The following MRPL36 variants were observed in gnomAD, a reference collection of about 807,000 sequenced individuals.
The protein encoded by MRPL36 is large ribosomal subunit protein bL36m.
A neutral mutation model predicts 2.8 loss-of-function variants in MRPL36; 1 was observed. The observed-to-expected ratio is 0.36, with a 90% CI of 0.13 to 1.69. The LOEUF (loss-of-function observed/expected upper bound fraction) is 1.69. Among genes scored for constraint, MRPL36 ranks in the 40% most tolerant of loss-of-function variants. The probability of loss-of-function intolerance (pLI) is 0.35; values close to 1 mark genes in which losing one functional copy is unlikely to be tolerated. For synonymous variants in MRPL36, 68 were observed against 54.8 expected (o/e 1.24, Z -1.06); for missense variants, 148 against 132.7 (o/e 1.12, Z -0.57).
rs770920012 is a variant in MRPL36 at position 1,798,896 on chromosome 5, G to C, written c.40C>G (p.Leu14Val). The C allele has an allele frequency of 1.0e-5, 16 of 1,605,822 alleles. No homozygotes were observed. The Admixed American group carries it at 2.3e-4, about 23-fold the overall frequency. ...LFIRKMVNPL[L>V]YLSRHTVKPR... ...TTCACCGTGTGACGACTGAGATAGA[G>C]CAGAGGGTTCACCATTTTCCTTATA... The change falls in exon 2 of 2, where the codon CTC (leucine) becomes GTC (valine). Residue 14 changes from leucine (L) to valine (V), a missense_variant. Physicochemically the swap from Leu to Val is conservative, Grantham distance 32 (BLOSUM62 1). Transcript: ENST00000505059.
chr5:1,801,252 G>C, upstream of MRPL36: 1 of 1,025,504 alleles, frequency 9.8e-7, no homozygotes, highest in Non-Finnish European at 1.4e-6. Context: ...GATGAAAACG[G>C]GTGACCACCT....
intron 1 of MRPL36, 166 bp from the exon 2 acceptor site, chr5:1,799,113 A>C (rs1028339496): frequency 3.4e-6 from 2 of 580,030 alleles, no homozygotes; most frequent in Non-Finnish European, 6.1e-6. Flanking sequence ...ACACTGCCTT[A>C]ATCAGCCAAG....
At position 1,798,950 on chromosome 5, in the gene MRPL36, ATGGG is replaced by A. The variant is rs1363307703; in HGVS notation, c.-12-7_-12-4del. ...AGATTTGCCATGTTGTGGTGAATCT[ATGGG>A]AGAGAGAAAAAAAGGAGTTATAGCT... On this transcript the variant is annotated splice_polypyrimidine_tract_variant and splice_region_variant and intron_variant, in intron 1 of 1. Transcript: ENST00000505059. The A allele has an allele frequency of 1.9e-6, 3 of 1,557,600 alleles. No individual in the cohort carries two copies. Among genetic ancestry groups the A allele is most frequent in the African/African-American group, 1.4e-5 (1 of 73,074 alleles).
chr5:1,800,368 C>T (rs1211271407), upstream of MRPL36, among the ~76,000 whole-genome samples: 2 of 152,326 alleles, frequency 1.3e-5, no homozygotes, highest in Non-Finnish European at 1.5e-5. Context: ...CCCGTAACTC[C>T]ATTCGCCTTC....
In MRPL36 at chr5:1,798,488, G is replaced by C. The variant is rs758939560; in HGVS notation, c.*136C>G. On this transcript the variant is annotated 3_prime_UTR_variant, in exon 2 of 2. Coordinates refer to ENST00000505059, the MANE Select transcript of MRPL36 (RefSeq NM_032479.4). Reference sequence around the variant, plus strand: ...TAGTTACTCATTTACACTGAAACGTGATGGGTAACTTTTAGGGCGTTTGCT... The same window carrying C: ...TAGTTACTCATTTACACTGAAACGTCATGGGTAACTTTTAGGGCGTTTGCT... The C allele has an allele frequency of 3.0e-5, 23 of 758,322 alleles. No homozygotes were observed. Among genetic ancestry groups the C allele is most frequent in the Non-Finnish European group, 4.5e-5 (21 of 466,950 alleles). 47.0% of individuals were successfully genotyped at this position (758,322 alleles called of 1,614,324 possible).
upstream of MRPL36, chr5:1,801,298 GACCCGCGCT>G: frequency 7.1e-7 from 1 of 1,405,626 alleles, no homozygotes; most frequent in East Asian, 2.5e-5. Flanking sequence ...CCTCTGCCCC[GACCCGCGCT>G]CCCCGCCCCC....
Position 1,798,434 on chromosome 5 carries a change from T to C in MRPL36, c.*190A>G. Reference sequence around the variant, plus strand: ...GAAAATGTTTTTTAGTTGGAACGTTTTGGAAATAAGATAACGCAATGTCTT... The same window carrying C: ...GAAAATGTTTTTTAGTTGGAACGTTCTGGAAATAAGATAACGCAATGTCTT... On this transcript the variant is annotated 3_prime_UTR_variant, in exon 2 of 2. Coordinates refer to ENST00000505059, the MANE Select transcript of MRPL36 (RefSeq NM_032479.4). 1.8e-6 allele frequency: 1 copy of C among 569,684 alleles called. No homozygotes were observed. Among genetic ancestry groups the C allele is most frequent in the East Asian group, 3.0e-5 (1 of 33,722 alleles). The allele number at this position is 569,684 out of a possible 1,614,324, so 35.3% of individuals were successfully genotyped here.
chr5:1,800,057 T>C (rs1258382671), upstream of MRPL36, among the ~76,000 whole-genome samples: 2 of 151,850 alleles, frequency 1.3e-5, no homozygotes, highest in East Asian at 3.9e-4. Context: ...GGAACGAAAA[T>C]GGATATCCGC....
Position 1,798,658 on chromosome 5 carries a change from T to C in MRPL36, c.278A>G (p.Lys93Arg), listed in dbSNP as rs750200839. The C allele has an allele frequency of 1.2e-6, 2 of 1,613,310 alleles. No homozygotes were observed. The highest frequency in any genetic ancestry group is 1.7e-6 in the Non-Finnish European group (2 of 1,179,348). Residue 93 changes from lysine (K) to arginine (R), a missense_variant, in exon 2 of 2, where the codon AAA becomes AGA. Lys to Arg is a conservative substitution (Grantham distance 26). Transcript: ENST00000505059. ...KRRGRWYVYC[K>R]THPRHKQRQM is the part of the protein sequence containing the mutation. ...TCTCTGCTTGTGCCTCGGATGGGTT[T>C]TACAGTAGACGTACCACCGACCCCG...
chr5:1,798,919 AT>A lies in MRPL36; in HGVS notation c.16del (p.Ile6Ter). 6.3e-7 allele frequency: 1 copy of A among 1,592,022 alleles called. No homozygotes were observed. Among genetic ancestry groups the A allele is most frequent in the Non-Finnish European group, 8.6e-7 (1 of 1,164,022 alleles). Reference protein sequence around the residue: MANLFIRKMVNPLLYL... With the variant: MANLFXRKMVNPLLYL... Reference sequence around the variant, plus strand: ...GAGCAGAGGGTTCACCATTTTCCTTATAAAAAGATTTGCCATGTTGTGGTGA... The same window carrying A: ...GAGCAGAGGGTTCACCATTTTCCTTAAAAAAGATTTGCCATGTTGTGGTGA... On this transcript the variant is annotated frameshift_variant, in exon 2 of 2. Transcript: ENST00000505059. LOFTEE classifies it low-confidence loss of function (END_TRUNC).
Position 1,798,647 on chromosome 5 carries a change from T to A in MRPL36, c.289A>T (p.Arg97Trp). 3 of 1,610,610 alleles carry A rather than the reference T, an allele frequency of 1.9e-6. No individual in the cohort carries two copies. The highest frequency in any genetic ancestry group is 1.7e-6 in the Non-Finnish European group (2 of 1,177,016). Residue 97 changes from arginine to tryptophan, a missense_variant, in exon 2 of 2, where the codon AGG becomes TGG. Coordinates refer to ENST00000505059, the MANE Select transcript of MRPL36 (RefSeq NM_032479.4). Reference protein sequence around the residue: ...RWYVYCKTHPRHKQRQM With the variant: ...RWYVYCKTHPWHKQRQM ...GTCTACATCTGTCTCTGCTTGTGCCTCGGATGGGTTTTACAGTAGACGTAC... is the reference window on the plus strand; with the variant it reads ...GTCTACATCTGTCTCTGCTTGTGCCACGGATGGGTTTTACAGTAGACGTAC...
chr5:1,798,805 G>C lies in MRPL36; in HGVS notation c.131C>G (p.Pro44Arg). The C allele has an allele frequency of 1.2e-6, 2 of 1,614,102 alleles. No individual in the cohort carries two copies. Among genetic ancestry groups the C allele is most frequent in the Non-Finnish European group, 1.7e-6 (2 of 1,180,028 alleles). Residue 44 changes from proline (P) to arginine (R), a missense_variant, in exon 2 of 2, where the codon CCC becomes CGC. By Grantham distance (103) the Pro-to-Arg change is moderately radical. Coordinates refer to ENST00000505059, the MANE Select transcript of MRPL36 (RefSeq NM_032479.4). ...GAGAAGTGAGCGCACTGCTGCCCCG[G>C]GTTCCACAGCCACGGGGGCTGCACC... ...IRGAAPVAVE[P>R]GAAVRSLLSP... is the part of the protein sequence containing the mutation.
Position 1,798,734 on chromosome 5 carries a change from T to C in MRPL36, c.202A>G (p.Asn68Asp). Residue 68 changes from asparagine to aspartate, a missense_variant, in exon 2 of 2, where the codon AAC becomes GAC. Transcript: ENST00000505059. The stretch of plus-strand genomic sequence containing the variant: ...CAGCGCTTCTTAAGGACAGTCTTGT[T>C]TTTGAACCCCAGCGCAGGCAGCAGA... ...PHLLPALGFK[N>D]KTVLKKRCKD... 6.2e-7 allele frequency: 1 copy of C among 1,613,942 alleles called. No individual in the cohort carries two copies. Among genetic ancestry groups the C allele is most frequent in the Non-Finnish European group, 8.5e-7 (1 of 1,179,892 alleles).
upstream of MRPL36, chr5:1,801,318 A>G (rs11745573): frequency 0.85 from 1,267,121 of 1,497,886 alleles, 547,640 homozygotes; most frequent in Non-Finnish European, 0.89. Flanking sequence ...CCCCGCCCCC[A>G]GGGCGAAATA....
chr5:1,799,073 A>G lies in MRPL36; in HGVS notation c.-12-126T>C, dbSNP rs902258493. 9 of 710,816 alleles carry G rather than the reference A, an allele frequency of 1.3e-5. No homozygotes were observed. The African/African-American group carries it at 1.4e-4, about 11-fold the overall frequency. The allele number at this position is 710,816 out of a possible 1,614,324, so 44.0% of individuals were successfully genotyped here. On this transcript the variant is annotated intron_variant, in intron 1 of 1. Transcript: ENST00000505059. ...GACCTCGGGGACTGAGGGTGTTCCC[A>G]TACCAGCTGCAGCCTCGACCTGAGC...
chr5:1,800,460 C>T (rs933353792), upstream of MRPL36, among the ~76,000 whole-genome samples: 2 of 152,212 alleles, frequency 1.3e-5, no homozygotes, highest in Non-Finnish European at 2.9e-5. Flanking sequence ...TTCATCGCAG[C>T]GCCCACTTTT....
At chr5:1,800,617 T>A (rs1300945676), upstream of MRPL36, among the ~76,000 whole-genome samples, 1 of 152,316 alleles carries the variant, frequency 6.6e-6, no homozygotes, top group East Asian at 1.9e-4. Context: ...TCCTCCTCTT[T>A]ATCATCTTCC....
upstream of MRPL36, chr5:1,800,024 C>G (rs10037336): frequency 0.095 from 14,409 of 151,846 alleles, 1,585 homozygotes; most frequent in African/African-American, 0.27. Context: ...GGAGCGCTCT[C>G]GGGAAAAAAA....
At chr5:1,800,964 T>C (rs1442072001), upstream of MRPL36, among the ~76,000 whole-genome samples, 2 of 152,224 alleles carry the variant, frequency 1.3e-5, no homozygotes, top group African/African-American at 2.4e-5. Context: ...AAATGTCTCA[T>C]GATTATCGGT....
Sources: gnomAD v4.1 joint callset for allele counts (sites outside exome capture counted in the v4.1 genomes callset) on GRCh38, gnomAD v4.1.1 for gene constraint, MANE v1.5 for transcripts, NCBI Gene and HGNC (gene_info 2026-07-23, HGNC 2026-07-21) for gene names.